TPX2: variants seen among roughly 807,000 people sequenced by gnomAD.
The protein encoded by TPX2 is targeting protein for Xklp2.
A neutral mutation model predicts 93.6 loss-of-function variants in TPX2; 21 were observed. That is an observed-to-expected ratio of 0.22 (90% CI 0.16 to 0.32). TPX2 has a LOEUF of 0.32. TPX2 is among the 10% of genes least tolerant of loss of function. The pLI is 1.00. For synonymous variants in TPX2, 281 were observed against 298.3 expected, an observed-to-expected ratio of 0.94 and a Z score of 0.60; for missense variants, 776 against 871.1, an observed-to-expected ratio of 0.89 and a Z score of 1.37.
chr20:31,757,402 C>T lies in TPX2; in HGVS notation c.-70-5C>T. 8.2e-7 allele frequency: 1 copy of T among 1,213,456 alleles called. No homozygotes were observed. The highest frequency in any genetic ancestry group is 1.2e-6 in the Non-Finnish European group (1 of 838,210). The allele number at this position is 1,213,456 out of a possible 1,614,324, so 75.2% of individuals were successfully genotyped here. A position where few individuals can be genotyped will look rare whatever the true frequency, so the allele number is the denominator to read the frequency against. On this transcript the variant is annotated splice_region_variant and splice_polypyrimidine_tract_variant and intron_variant, in intron 2 of 17. Transcript: ENST00000300403. The stretch of plus-strand genomic sequence containing the variant: ...AGATTTATGTGCAACCATTTCTTTC[C>T]TCAGAAGGTGACCTGCTGAGAAAAG...
Position 31,771,599 on chromosome 20 carries a change from T to C in TPX2, c.525T>C (p.Ala175=). 2.5e-6 allele frequency: 4 copies of C among 1,613,744 alleles called. No homozygotes were observed. Among genetic ancestry groups the C allele is most frequent in the Non-Finnish European group, 3.4e-6 (4 of 1,179,874 alleles). The change falls in exon 7 of 18, where the codon GCT becomes GCC. Residue 175 remains alanine (A), a synonymous_variant. Coordinates refer to ENST00000300403, the MANE Select transcript of TPX2 (RefSeq NM_012112.5). ...AGAAGCCAGAGGAAGAAGGCAGTGC[T>C]CATCAAGATACTGCTGAAAAGAATG... ...NKKKPEEEGS[A]HQDTAEKNAS...
At chr20:31,792,894 C>A in intron 13 of TPX2, 64 bp downstream of exon 13, 1 of 1,449,034 alleles carries the variant, frequency 6.9e-7, no homozygotes, top group South Asian at 1.2e-5. Context: ...TAAGCCTTAT[C>A]ATTTATTAAT....
At chr20:31,763,847 G>C (rs1391930258) in intron 4 of TPX2, among the ~76,000 whole-genome samples, 2 of 150,528 alleles carry the variant, frequency 1.3e-5, no homozygotes. Flanking sequence ...GTGAAACCCT[G>C]TCTCTACTGA....
chr20:31,782,897 C>T (rs746324095), intron 11 of TPX2, among the ~76,000 whole-genome samples: 9 of 109,734 alleles, frequency 8.2e-5, no homozygotes, highest in East Asian at 4.1e-4. Context: ...CATACACACA[C>T]ACACACACAC....
intron 2 of TPX2, among the ~76,000 whole-genome samples, chr20:31,746,183 A>G (rs1329561589): frequency 2.0e-5 from 3 of 152,222 alleles, no homozygotes; most frequent in Non-Finnish European, 4.4e-5. Flanking sequence ...AACAGATCCA[A>G]TTTCAACATA....
At chr20:31,751,789 C>G (rs1004481374) in intron 2 of TPX2, among the ~76,000 whole-genome samples, 1 of 152,200 alleles carries the variant, frequency 6.6e-6, no homozygotes, top group African/African-American at 2.4e-5. Flanking sequence ...GTCACCCAGG[C>G]TGGAGTGCAA....
chr20:31,769,764 ATCT>A (rs1161557243), intron 5 of TPX2, among the ~76,000 whole-genome samples: 2 of 151,740 alleles, frequency 1.3e-5, no homozygotes, highest in African/African-American at 2.4e-5. Context: ...TATGTATTAG[ATCT>A]GTCATTATGC....
At chr20:31,768,343 C>G (rs2061942608) in intron 5 of TPX2, among the ~76,000 whole-genome samples, 1 of 151,676 alleles carries the variant, frequency 6.6e-6, no homozygotes, top group Admixed American at 6.6e-5. Context: ...TCAAGTGATT[C>G]TCCTGCCTCA....
chr20:31,768,647 A>C (rs2061944715), intron 5 of TPX2, among the ~76,000 whole-genome samples: 1 of 152,202 alleles, frequency 6.6e-6, no homozygotes, highest in Non-Finnish European at 1.5e-5. Flanking sequence ...AAAGATAAAG[A>C]GATGAAAAGC....
rs535315990 is a variant in TPX2, at chr20:31,788,962, T to A, written c.1414-3773T>A. ...ACAGGCCTGAGATCCTGTCCCAGGG[T>A]ACTTGGGGGGCACATCCTGTCTTAG... is the stretch of plus-strand genomic sequence containing the variant. On this transcript the variant is annotated intron_variant, in intron 12 of 17. Coordinates refer to ENST00000300403, the MANE Select transcript of TPX2 (RefSeq NM_012112.5). Among the ~76,000 whole-genome samples the A allele has an allele frequency of 5.9e-5, 9 of 152,248 alleles. 1 individual carries two copies. The South Asian group carries it at 1.9e-3, about 32-fold the overall frequency.
chr20:31,741,071 T>C (rs2061750493), intron 1 of TPX2, among the ~76,000 whole-genome samples: 1 of 152,216 alleles, frequency 6.6e-6, no homozygotes, highest in Non-Finnish European at 1.5e-5. Flanking sequence ...ATTAAGTTTG[T>C]CCAGGATTAT....
At chr20:31,796,479 T>G (rs1402843631) in intron 15 of TPX2, among the ~76,000 whole-genome samples, 4 of 152,222 alleles carry the variant, frequency 2.6e-5, no homozygotes, top group Non-Finnish European at 5.9e-5. Flanking sequence ...ATATATAGTC[T>G]ACATAGTGCC....
intron 12 of TPX2, among the ~76,000 whole-genome samples, chr20:31,784,701 C>T (rs1242122461): frequency 6.6e-6 from 1 of 152,140 alleles, no homozygotes; most frequent in African/African-American, 2.4e-5. Context: ...TTATCAAGAG[C>T]CACTGGAAAC....
At chr20:31,776,728 T>A (rs2062002622) in intron 8 of TPX2, among the ~76,000 whole-genome samples, 1 of 151,912 alleles carries the variant, frequency 6.6e-6, no homozygotes. Context: ...GATTTCATCA[T>A]GTTGGCCAGG....
At chr20:31,794,677 G>A in intron 15 of TPX2, 129 bp downstream of exon 15, 1 of 1,190,608 alleles carries the variant, frequency 8.4e-7, no homozygotes, top group Non-Finnish European at 1.2e-6. Context: ...GTAAATCAGG[G>A]GTCAGCACAT....
At chr20:31,773,116 A>G (rs942124317) in intron 7 of TPX2, among the ~76,000 whole-genome samples, 12 of 136,506 alleles carry the variant, frequency 8.8e-5, no homozygotes, top group African/African-American at 2.8e-4. Context: ...AGCTGGGATT[A>G]TAGGCATGCA....
chr20:31,797,333 A>G (rs2062144731), intron 15 of TPX2, 71 bp from the exon 16 acceptor site: 11 of 1,376,576 alleles, frequency 8.0e-6, no homozygotes, highest in Non-Finnish European at 1.0e-5. Context: ...AGACATTAGA[A>G]CTTAAGTTAT....
intron 3 of TPX2, 44 bp downstream of exon 3, chr20:31,757,626 G>C: frequency 6.6e-7 from 1 of 1,521,820 alleles, no homozygotes; most frequent in Non-Finnish European, 9.1e-7. Context: ...TTAGTGGCTT[G>C]CTTTGTGCTG....
intron 2 of TPX2, among the ~76,000 whole-genome samples, chr20:31,743,320 T>G (rs1481277342): frequency 6.6e-6 from 1 of 152,216 alleles, no homozygotes; most frequent in African/African-American, 2.4e-5. Flanking sequence ...CTAGATTACT[T>G]ATAATACTTA....
Sources: allele counts gnomAD v4.1 joint callset (sites outside exome capture counted in the v4.1 genomes callset), GRCh38; gene constraint gnomAD v4.1.1; transcripts MANE v1.5; gene names NCBI Gene and HGNC (gene_info 2026-07-23, HGNC 2026-07-21).